BPHL: variants seen among roughly 807,000 people sequenced by gnomAD.
The protein encoded by BPHL is biphenyl hydrolase like, also known as serine hydrolase BPHL.
BPHL carries 27 observed loss-of-function variants against 31.2 expected under a neutral mutation model. The ratio of observed to expected loss-of-function variants is 0.87; its 90% CI spans 0.64 to 1.19. The LOEUF (loss-of-function observed/expected upper bound fraction) is 1.19, where lower values mean the gene tolerates loss of function less well. BPHL is among the 50% of genes most tolerant of loss of function. The pLI, the probability that BPHL is intolerant of heterozygous loss-of-function variation, is 0.00. For missense variants in BPHL, 356 were observed against 375.7 expected (o/e 0.95, Z 0.43); for synonymous variants, 150 against 146.8 (o/e 1.02, Z -0.16).
intron 6 of BPHL, among the ~76,000 whole-genome samples, chr6:3,147,820 G>A (rs899770423): frequency 6.6e-5 from 10 of 152,168 alleles, no homozygotes; most frequent in Admixed American, 1.3e-4. Context: ...AGAGGAGATG[G>A]TGTGGTTCTA....
chr6:3,135,108 C>G (rs17136215), intron 4 of BPHL, among the ~76,000 whole-genome samples: 2,770 of 152,286 alleles, frequency 0.018, 65 homozygotes, highest in East Asian at 0.077. Flanking sequence ...ACATGTTTGC[C>G]CATTTGTTTA....
Position 3,152,589 on chromosome 6 carries a change from A to G in BPHL, c.*14A>G, listed in dbSNP as rs1363063850. 6.2e-7 allele frequency: 1 copy of G among 1,605,186 alleles called. No homozygotes were observed. Among genetic ancestry groups the G allele is most frequent in the Non-Finnish European group, 8.5e-7 (1 of 1,175,012 alleles). ...TTCCTACAATGAGAATGCACACTCC[A>G]GTCTTGGTGGTTCCTTCGTGTGGGG... On this transcript the variant is annotated 3_prime_UTR_variant, in exon 7 of 7. Coordinates refer to ENST00000380379, the MANE Select transcript of BPHL (RefSeq NM_004332.4).
rs1220188086 is a variant in BPHL, at chr6:3,118,729, C to T, written c.-12C>T. ...CGCATGCGCACTCCCGGCAGCTACG[C>T]GACCTGTGACCATGGTGGCTGTGCT... On this transcript the variant is annotated 5_prime_UTR_variant, in exon 1 of 7. Transcript: ENST00000380379. 1.6e-6 allele frequency: 2 copies of T among 1,258,102 alleles called. No homozygotes were observed. Among genetic ancestry groups the T allele is most frequent in the Middle Eastern group, 2.1e-4 (1 of 4,818 alleles). 77.9% of individuals were successfully genotyped at this position (1,258,102 alleles called of 1,614,324 possible).
intron 6 of BPHL, among the ~76,000 whole-genome samples, chr6:3,145,085 G>T (rs1303312967): frequency 6.6e-6 from 1 of 151,998 alleles, no homozygotes; most frequent in Non-Finnish European, 1.5e-5. Context: ...GGGTTGCAGT[G>T]CTGGTTTGGG....
intron 6 of BPHL, among the ~76,000 whole-genome samples, chr6:3,145,198 T>G (rs1272354432): frequency 1.1e-4 from 9 of 81,952 alleles, no homozygotes; most frequent in South Asian, 3.6e-4. Context: ...GAGTGCTGGT[T>G]CGGGGTGGAG....
chr6:3,118,822 C>A lies in BPHL; in HGVS notation c.82C>A (p.Arg28=). Residue 28 remains arginine, a synonymous_variant, in exon 1 of 7, where the codon CGG becomes AGG. Transcript: ENST00000380379. ...GCTGAAGCCCGGGATCCACGTCCCA[C>A]GGGCCGGACCCGCGGCCGCGTTCGG... ...SALKPGIHVP[R]AGPAAAFGTS... 8.1e-7 allele frequency: 1 copy of A among 1,241,994 alleles called. No homozygotes were observed. The highest frequency in any genetic ancestry group is 3.9e-5 in the South Asian group (1 of 25,784). The allele number at this position is 1,241,994 out of a possible 1,614,324, so 76.9% of individuals were successfully genotyped here. A position where few individuals can be genotyped will look rare whatever the true frequency, so the allele number is the denominator to read the frequency against.
At chr6:3,121,852 A>G (rs985710035) in intron 1 of BPHL, among the ~76,000 whole-genome samples, 1 of 152,216 alleles carries the variant, frequency 6.6e-6, no homozygotes, top group Admixed American at 6.5e-5. Flanking sequence ...TATTCAACAC[A>G]TCTGTTTCCA....
intron 5 of BPHL, among the ~76,000 whole-genome samples, chr6:3,137,805 GTTTCTAT>G (rs1762054482): frequency 6.6e-6 from 1 of 152,018 alleles, no homozygotes; most frequent in East Asian, 1.9e-4. Flanking sequence ...GCCTTAAACC[GTTTCTAT>G]TTTCTAATTC....
At chr6:3,145,339 G>A (rs138805050) in intron 6 of BPHL, among the ~76,000 whole-genome samples, 1 of 62,200 alleles carries the variant, frequency 1.6e-5, no homozygotes, top group Non-Finnish European at 3.8e-5. Context: ...TGGAGTGCTG[G>A]TTCGGGGTGG....
At chr6:3,148,806 C>T (rs1261114171) in intron 6 of BPHL, among the ~76,000 whole-genome samples, 1 of 152,180 alleles carries the variant, frequency 6.6e-6, no homozygotes, top group African/African-American at 2.4e-5. Context: ...CTGAACCTTT[C>T]CAGACAAATC....
intron 3 of BPHL, 136 bp downstream of exon 3, chr6:3,127,544 T>C: frequency 4.3e-6 from 3 of 692,238 alleles, no homozygotes; most frequent in Non-Finnish European, 6.5e-6. Context: ...AGAGTTCAAA[T>C]AGGTATAAAG....
At chr6:3,119,206 G>A in intron 1 of BPHL, 1 of 1,312,230 alleles carries the variant, frequency 7.6e-7, no homozygotes, top group African/African-American at 1.5e-5. Flanking sequence ...GAATCCCAAC[G>A]CCCTCATTAG....
At chr6:3,133,528 A>T (rs1055630011) in intron 4 of BPHL, among the ~76,000 whole-genome samples, 4 of 151,220 alleles carry the variant, frequency 2.6e-5, no homozygotes, top group African/African-American at 9.7e-5. Context: ...CTGCCTCTCC[A>T]GGTCCCCTCC....
intron 6 of BPHL, among the ~76,000 whole-genome samples, chr6:3,142,696 G>C (rs1762214735): frequency 6.6e-6 from 1 of 152,074 alleles, no homozygotes; most frequent in Admixed American, 6.6e-5. Flanking sequence ...TAGCACAGCT[G>C]CCACTTATCT....
rs145702455 is a variant in BPHL, at chr6:3,129,053, G to C, written c.387G>C (p.Lys129Asn). 9 of 1,614,274 alleles carry C rather than the reference G, an allele frequency of 5.6e-6. No homozygotes were observed. Among genetic ancestry groups the C allele is most frequent in the Non-Finnish European group, 7.6e-6 (9 of 1,180,048 alleles). The part of the protein sequence containing the change: ...KDAVDLMKAL[K>N]FKKVSLLGWS... ...TTGTCGTATGATCATAGGCGCTGAA[G>C]TTTAAGAAGGTTTCTCTGCTGGGGT... Residue 129 changes from lysine to asparagine, a missense_variant, in exon 4 of 7, where the codon AAG (lysine) becomes AAC (asparagine). Lys to Asn is a moderately conservative substitution (Grantham distance 94). Transcript: ENST00000380379.
At chr6:3,129,606 C>T (rs914492581) in intron 4 of BPHL, among the ~76,000 whole-genome samples, 2 of 151,828 alleles carry the variant, frequency 1.3e-5, no homozygotes, top group African/African-American at 2.4e-5. Flanking sequence ...CCCAGGAGGT[C>T]GAGGCTGCAG....
rs995278971 is a variant in BPHL, at chr6:3,149,401, C to G, written c.789-3087C>G. 6.6e-6 allele frequency among the ~76,000 whole-genome samples: 1 copy of G among 152,136 alleles called. No individual in the cohort carries two copies. The highest frequency in any genetic ancestry group is 1.5e-5 in the Non-Finnish European group (1 of 68,014). The stretch of plus-strand genomic sequence containing the variant: ...CCGAGGGTCCTCTAGCAGCCCACTT[C>G]AAGCCGCCACACTGCCCAGAAAGTA... On this transcript the variant is annotated intron_variant, in intron 6 of 6. Transcript: ENST00000380379. The surrounding 1 kb of genome is among the most constrained non-coding windows in gnomAD (Gnocchi z 4.6).
chr6:3,125,037 C>T (rs2113747795), intron 2 of BPHL, among the ~76,000 whole-genome samples: 1 of 151,568 alleles, frequency 6.6e-6, no homozygotes, highest in Non-Finnish European at 1.5e-5. Flanking sequence ...GTGCTAAAAA[C>T]TTACCAATTT....
Position 3,118,830 on chromosome 6 carries a change from A to G in BPHL, c.90A>G (p.Gly30=), listed in dbSNP as rs1761467071. 1.6e-6 allele frequency: 2 copies of G among 1,242,034 alleles called. No individual in the cohort carries two copies. The highest frequency in any genetic ancestry group is 6.3e-5 in the East Asian group (2 of 31,690). 76.9% of individuals were successfully genotyped at this position (1,242,034 alleles called of 1,614,324 possible). A position where few individuals can be genotyped will look rare whatever the true frequency, so the allele number is the denominator to read the frequency against. The change falls in exon 1 of 7, where the codon GGA becomes GGG. Residue 30 remains glycine (G), a synonymous_variant. Transcript: ENST00000380379. ...CCGGGATCCACGTCCCACGGGCCGG[A>G]CCCGCGGCCGCGTTCGGGTAATGGC... ...LKPGIHVPRA[G]PAAAFGTSVT...
Sources: allele counts gnomAD v4.1 joint callset (sites outside exome capture counted in the v4.1 genomes callset), GRCh38; gene constraint gnomAD v4.1.1; non-coding constraint Gnocchi (gnomAD v3.1); transcripts MANE v1.5; gene names NCBI Gene and HGNC (gene_info 2026-07-23, HGNC 2026-07-21).